Variants in PCDHA7 observed in about 807,000 individuals in gnomAD.
The protein encoded by PCDHA7 is protocadherin alpha-7.
In PCDHA7, 37 loss-of-function variants were observed where a neutral mutation model predicts 57.2. The ratio of observed to expected loss-of-function variants is 0.65; its 90% CI spans 0.50 to 0.85. The LOEUF is 0.85. Among genes scored for constraint, PCDHA7 ranks in the 40% least tolerant of loss-of-function variants. The probability of loss-of-function intolerance (pLI) is 0.00; values close to 1 mark genes in which losing one functional copy is unlikely to be tolerated. For synonymous variants in PCDHA7, 553 were observed against 558.8 expected (o/e 0.99, Z 0.15); for missense variants, 1,188 against 1,241.8 (o/e 0.96, Z 0.65).
At chr5:140,843,746 T>C (rs1554140400) in intron 1 of PCDHA7, 6 of 1,531,640 alleles carry the variant, frequency 3.9e-6, no homozygotes, top group Non-Finnish European at 5.4e-6. Context: ...AACTCATAAA[T>C]TCTATTTGTG....
At chr5:140,944,880 C>T (rs1275494519) in intron 1 of PCDHA7, among the ~76,000 whole-genome samples, 1 of 152,150 alleles carries the variant, frequency 6.6e-6, no homozygotes, top group Non-Finnish European at 1.5e-5. Flanking sequence ...ACCTACTCCA[C>T]TGTACAGTTC....
intron 3 of PCDHA7, among the ~76,000 whole-genome samples, chr5:141,009,142 G>T (rs1374390797): frequency 2.0e-5 from 3 of 152,204 alleles, no homozygotes; most frequent in Non-Finnish European, 4.4e-5. Context: ...GAAAAAACCT[G>T]CCCTCTTGCT....
At chr5:140,990,227 A>G (rs1424384055) in intron 3 of PCDHA7, among the ~76,000 whole-genome samples, 1 of 152,134 alleles carries the variant, frequency 6.6e-6, no homozygotes, top group Non-Finnish European at 1.5e-5. Flanking sequence ...GTTTATTGTA[A>G]CTAGCGTTGT....
intron 3 of PCDHA7, among the ~76,000 whole-genome samples, chr5:141,007,393 TAC>T (rs2098323171): frequency 8.5e-5 from 2 of 23,408 alleles, no homozygotes; most frequent in East Asian, 1.4e-3. Flanking sequence ...TCTACTAAAA[TAC>T]AAAAAAAAAA....
chr5:140,883,453 C>T (rs138388360), intron 1 of PCDHA7: 46 of 1,614,168 alleles, frequency 2.8e-5, no homozygotes, highest in Non-Finnish European at 3.9e-5. Context: ...ATGTCCCCTT[C>T]AAGCTGGTGT....
intron 1 of PCDHA7, among the ~76,000 whole-genome samples, chr5:140,875,022 C>A (rs1267699693): frequency 1.3e-5 from 2 of 152,116 alleles, no homozygotes; most frequent in Non-Finnish European, 2.9e-5. Context: ...TAGGTTCTGG[C>A]CTACTGTATT....
chr5:140,885,041 T>C (rs2060440056), intron 1 of PCDHA7, among the ~76,000 whole-genome samples: 1 of 152,250 alleles, frequency 6.6e-6, no homozygotes, highest in Non-Finnish European at 1.5e-5. Flanking sequence ...ATTTTTAGTT[T>C]AATGTATACA....
chr5:140,890,294 G>A (rs1554184246), intron 1 of PCDHA7, among the ~76,000 whole-genome samples: 1 of 152,132 alleles, frequency 6.6e-6, no homozygotes, highest in Non-Finnish European at 1.5e-5. Flanking sequence ...GTCAGAACCA[G>A]GAGAGGTAAT....
chr5:140,941,685 A>G (rs983394705), intron 1 of PCDHA7, among the ~76,000 whole-genome samples: 2 of 151,952 alleles, frequency 1.3e-5, no homozygotes, highest in Non-Finnish European at 2.9e-5. Flanking sequence ...TATTCTGTTT[A>G]CCTCTTTGGG....
chr5:140,858,585 T>C, intron 1 of PCDHA7: 1 of 1,345,266 alleles, frequency 7.4e-7, no homozygotes, highest in Non-Finnish European at 1.0e-6. Context: ...GTAATATAAT[T>C]TATTCCAGGA....
chr5:140,927,193 C>A, intron 1 of PCDHA7: 1 of 1,614,186 alleles, frequency 6.2e-7, no homozygotes, highest in Non-Finnish European at 8.5e-7. Context: ...CGACCTGGTG[C>A]TCGAGGACCC....
At chr5:140,869,419 C>G (rs782550413) in intron 1 of PCDHA7, 10 of 1,614,078 alleles carry the variant, frequency 6.2e-6, no homozygotes, top group African/African-American at 1.3e-5. Context: ...CAGCATCCAC[C>G]TGGAGGTGAT....
chr5:140,899,069 A>G (rs1554188379), intron 1 of PCDHA7, among the ~76,000 whole-genome samples: 1 of 152,164 alleles, frequency 6.6e-6, no homozygotes, highest in Non-Finnish European at 1.5e-5. Flanking sequence ...GAAGTTGCTT[A>G]TCAGCTTAAG....
At chr5:140,959,624 AAAAG>A (rs2095502972) in intron 1 of PCDHA7, among the ~76,000 whole-genome samples, 1 of 152,220 alleles carries the variant, frequency 6.6e-6, no homozygotes, top group Non-Finnish European at 1.5e-5. Context: ...GTGATAGAAA[AAAAG>A]AGAGAAAAAA....
intron 1 of PCDHA7, chr5:140,842,364 C>T (rs1777899018): frequency 6.8e-6 from 11 of 1,607,810 alleles, no homozygotes; most frequent in East Asian, 2.2e-5. Flanking sequence ...GATAACGTCC[C>T]TGAGATAGCA....
At chr5:140,950,131 C>G (rs1030150193) in intron 1 of PCDHA7, among the ~76,000 whole-genome samples, 6 of 151,858 alleles carry the variant, frequency 4.0e-5, no homozygotes, top group Non-Finnish European at 7.4e-5. Flanking sequence ...CCACAAGACA[C>G]AGTTATAATT....
chr5:141,005,701 CAAAAAAAAAAAAAAAA>C (rs59860837), intron 3 of PCDHA7, among the ~76,000 whole-genome samples: 5 of 7,786 alleles, frequency 6.4e-4, no homozygotes, highest in African/African-American at 1.9e-3. Context: ...AACTCCGTCT[CAAAAAAAAAAAAAAAA>C]AAAAAAAAAA....
chr5:141,006,346 G>C (rs2098268580), intron 3 of PCDHA7, among the ~76,000 whole-genome samples: 1 of 151,806 alleles, frequency 6.6e-6, no homozygotes, highest in South Asian at 2.1e-4. Context: ...TGAGTAGCTG[G>C]GACTATAGGC....
chr5:140,950,040 C>A (rs1053592525), intron 1 of PCDHA7, among the ~76,000 whole-genome samples: 2 of 151,718 alleles, frequency 1.3e-5, no homozygotes, highest in Non-Finnish European at 3.0e-5. Flanking sequence ...AAGTTACAAC[C>A]ATATAAGACT....
Sources: gnomAD v4.1 joint callset for allele counts (sites outside exome capture counted in the v4.1 genomes callset) on GRCh38, gnomAD v4.1.1 for gene constraint, MANE v1.5 for transcripts, NCBI Gene and HGNC (gene_info 2026-07-23, HGNC 2026-07-21) for gene names.